Variants in TMEM164 observed in about 807,000 individuals in gnomAD.
The protein encoded by TMEM164 is transmembrane protein 164, also known as RP13-360B22.2.
A neutral mutation model predicts 18.8 loss-of-function variants in TMEM164; 4 were observed. The observed-to-expected ratio is 0.21, with a 90% confidence interval of 0.10 to 0.49. The LOEUF is 0.49. TMEM164 is among the 20% of genes least tolerant of loss of function. The pLI is 0.98. For synonymous variants in TMEM164, 86 were observed against 101.7 expected (o/e 0.85, Z 0.93); for missense variants, 108 against 239.9 (o/e 0.45, Z 3.63).
intron 5 of TMEM164, among the ~76,000 whole-genome samples, chrX:110,155,170 A>G (rs990210342): frequency 9.0e-6 from 1 of 111,165 alleles, no homozygotes; most frequent in Non-Finnish European, 1.9e-5. Context: ...CAGTGGATGT[A>G]ACATTACTGG....
intron 2 of TMEM164, among the ~76,000 whole-genome samples, chrX:110,063,753 T>A (rs772897605): frequency 4.1e-4 from 46 of 111,135 alleles, no homozygotes; most frequent in Admixed American, 2.2e-3. Context: ...GAACCTGTCT[T>A]TGGGACTCTG....
chrX:110,171,182 TA>T (rs760648501), intron 5 of TMEM164, among the ~76,000 whole-genome samples: 1 of 111,723 alleles, frequency 9.0e-6, no homozygotes, highest in Non-Finnish European at 1.9e-5. Flanking sequence ...CTTTTATGAT[TA>T]AAAAAAGAGT....
intron 2 of TMEM164, among the ~76,000 whole-genome samples, chrX:110,051,673 G>A (rs1393110405): frequency 9.0e-6 from 1 of 111,351 alleles, no homozygotes; most frequent in African/African-American, 3.3e-5. Context: ...AGTGGCTTGA[G>A]GATTAAAAGA....
In TMEM164 at chrX:110,171,578, G is replaced by C; in HGVS notation, c.687+58G>C. On this transcript the variant is annotated intron_variant, in intron 6 of 6. Transcript: ENST00000372068. ...TGTTTGCAGTTCTCCATAAATCTTG[G>C]TAATCCTGGTTGGTGCTGACGTATC... The C allele has an allele frequency of 3.1e-6, 3 of 964,398 alleles. No individual in the cohort carries two copies. The South Asian group carries it at 5.8e-5, about 19-fold the overall frequency. The allele number at this position is 964,398 out of a possible 1,213,427, so 79.5% of individuals were successfully genotyped here. A position where few individuals can be genotyped will look rare whatever the true frequency, so the allele number is the denominator to read the frequency against.
At position 110,017,448 on chromosome X, in the gene TMEM164, C is replaced by CTTTCTTTCTTTCTT. The variant is rs1569295315; in HGVS notation, c.390+13285_390+13286insTTCTTTCTTTCTTT. Among the ~76,000 whole-genome samples the CTTTCTTTCTTTCTT allele has an allele frequency of 9.0e-3, 143 of 15,955 alleles. 1 individual carries two copies. Among genetic ancestry groups the CTTTCTTTCTTTCTT allele is most frequent in the African/African-American group, 0.024 (137 of 5,643 alleles). The allele number at this position is 15,955 out of a possible 115,157, so 13.9% of individuals were successfully genotyped here. A position where few individuals can be genotyped will look rare whatever the true frequency, so the allele number is the denominator to read the frequency against. ...TTTCTTTCTTTCTTTCTTTCTTTCT[C>CTTTCTTTCTTTCTT]TCTCTCTCTCTCTCTTTCTTTCCTT... is the stretch of plus-strand genomic sequence containing the variant. On this transcript the variant is annotated intron_variant, in intron 2 of 6. Coordinates refer to ENST00000372068, the MANE Select transcript of TMEM164 (RefSeq NM_032227.4).
At chrX:110,085,500 G>A (rs757477366) in intron 3 of TMEM164, among the ~76,000 whole-genome samples, 134 of 110,555 alleles carry the variant, frequency 1.2e-3, no homozygotes, top group Non-Finnish European at 2.2e-3. Flanking sequence ...TTCAAAAAAG[G>A]ATCTGTCTTT....
At chrX:110,086,593 TA>T (rs1482683616) in intron 3 of TMEM164, among the ~76,000 whole-genome samples, 3 of 116 alleles carry the variant, frequency 0.026, no homozygotes, top group Non-Finnish European at 0.062. Context: ...TATATATATG[TA>T]TATATGTGTA....
Position 110,176,516 on chromosome X carries a change from C to A in TMEM164, c.*3065C>A. The A allele has an allele frequency of 1.2e-5, 7 of 597,451 alleles. No individual in the cohort carries two copies. Among genetic ancestry groups the A allele is most frequent in the Non-Finnish European group, 1.4e-5 (7 of 495,610 alleles). 49.2% of individuals were successfully genotyped at this position (597,451 alleles called of 1,213,427 possible). A position where few individuals can be genotyped will look rare whatever the true frequency, so the allele number is the denominator to read the frequency against. On this transcript the variant is annotated 3_prime_UTR_variant, in exon 7 of 7. Coordinates refer to ENST00000372068, the MANE Select transcript of TMEM164 (RefSeq NM_032227.4). ...GCTGCTTGCAGGGTCGCCGGGCTAA[C>A]CAGGGTGATCGGCGAACTTTACCGT...
chrX:110,122,597 A>T (rs1439246692), intron 4 of TMEM164, among the ~76,000 whole-genome samples: 2 of 111,645 alleles, frequency 1.8e-5, no homozygotes, highest in South Asian at 3.6e-4. Flanking sequence ...TAAAATAAAA[A>T]AATAAAATAT....
At chrX:110,093,623 T>G (rs2065967894) in intron 3 of TMEM164, among the ~76,000 whole-genome samples, 1 of 111,891 alleles carries the variant, frequency 8.9e-6, no homozygotes, top group Non-Finnish European at 1.9e-5. Flanking sequence ...TTTGTTGATC[T>G]TTTCAGAAAA....
chrX:110,080,230 C>T (rs2065733090), intron 3 of TMEM164, among the ~76,000 whole-genome samples: 1 of 111,539 alleles, frequency 9.0e-6, no homozygotes, highest in African/African-American at 3.3e-5. Context: ...AATAAGTTAG[C>T]ACGAGTTTAT....
intron 4 of TMEM164, among the ~76,000 whole-genome samples, chrX:110,124,172 A>AGGC (rs1556011961): frequency 2.0e-3 from 165 of 83,975 alleles, no homozygotes; most frequent in African/African-American, 8.0e-3. Context: ...GGAAGGAAGG[A>AGGC]AGGAAGGCAG....
intron 2 of TMEM164, among the ~76,000 whole-genome samples, chrX:110,014,744 C>CTTTTT (rs142705177): frequency 1.8e-5 from 1 of 54,211 alleles, no homozygotes; most frequent in Non-Finnish European, 3.2e-5. Context: ...TTGGTTGTTT[C>CTTTTT]TTTTTTTTTT....
In TMEM164 at chrX:110,003,608, G is replaced by A; in HGVS notation, c.-167G>A. Reference sequence around the variant, plus strand: ...CAAGTTAGAGCCAGCACTTTACCCCGGGCCTTGCGTGTAGCTTCCCCTCCC... The same window carrying A: ...CAAGTTAGAGCCAGCACTTTACCCCAGGCCTTGCGTGTAGCTTCCCCTCCC... On this transcript the variant is annotated 5_prime_UTR_variant, in exon 2 of 7. Coordinates refer to ENST00000372068, the MANE Select transcript of TMEM164 (RefSeq NM_032227.4). 5.4e-6 allele frequency: 3 copies of A among 550,668 alleles called. No individual in the cohort carries two copies. Among genetic ancestry groups the A allele is most frequent in the South Asian group, 3.5e-5 (1 of 28,853 alleles). The allele number at this position is 550,668 out of a possible 1,213,427, so 45.4% of individuals were successfully genotyped here. A position where few individuals can be genotyped will look rare whatever the true frequency, so the allele number is the denominator to read the frequency against.
At position 110,030,415 on chromosome X, in the gene TMEM164, C is replaced by T. The variant is rs370526481; in HGVS notation, c.390+26251C>T. On this transcript the variant is annotated intron_variant, in intron 2 of 6. Coordinates refer to ENST00000372068, the MANE Select transcript of TMEM164 (RefSeq NM_032227.4). ...GATTATGGGCATGAGCCATCGCATT[C>T]GGCCTCTTTTTTTTTTTTTTTAACA... Among the ~76,000 whole-genome samples the T allele has an allele frequency of 2.9e-3, 307 of 104,353 alleles. 1 individual carries two copies. Among genetic ancestry groups the T allele is most frequent in the South Asian group, 0.023 (55 of 2,415 alleles). 90.6% of individuals were successfully genotyped at this position (104,353 alleles called of 115,157 possible).
chrX:110,056,388 A>G (rs1419400287), intron 2 of TMEM164, among the ~76,000 whole-genome samples: 1 of 112,141 alleles, frequency 8.9e-6, no homozygotes, highest in Non-Finnish European at 1.9e-5. Context: ...TTAATATTCC[A>G]TTTTAAGGAT....
rs1234073879 is a variant in TMEM164 at position 110,013,719 on chromosome X, C to G, written c.390+9555C>G. Reference sequence around the variant, plus strand: ...GGGTTTGAGCTCCATCACCATGTAACCTTAGGCATGTTACTTAGCTGCATC... The same window carrying G: ...GGGTTTGAGCTCCATCACCATGTAAGCTTAGGCATGTTACTTAGCTGCATC... On this transcript the variant is annotated intron_variant, in intron 2 of 6. Transcript: ENST00000372068. 9.0e-5 allele frequency among the ~76,000 whole-genome samples: 10 copies of G among 111,569 alleles called. No homozygotes were observed. In the Admixed American group the frequency reaches 9.5e-4, roughly 11 times the overall value.
rs192291473 is a variant in TMEM164 at position 110,112,041 on chromosome X, C to T, written c.507+2895C>T. The stretch of plus-strand genomic sequence containing the variant: ...TGAGCAACACAGTGAGAACTCATTT[C>T]TAATAAAAAATTTAAAAATCAGCTG... On this transcript the variant is annotated intron_variant, in intron 4 of 6. Coordinates refer to ENST00000372068, the MANE Select transcript of TMEM164 (RefSeq NM_032227.4). Among the ~76,000 whole-genome samples the T allele has an allele frequency of 3.5e-3, 391 of 110,587 alleles. 1 individual carries two copies. The highest frequency in any genetic ancestry group is 0.011 in the African/African-American group (342 of 30,423).
intron 3 of TMEM164, among the ~76,000 whole-genome samples, chrX:110,081,028 G>A (rs867055248): frequency 2.8e-5 from 3 of 108,523 alleles, no homozygotes; most frequent in South Asian, 8.2e-4. Flanking sequence ...GAGCCAACAC[G>A]GTGGCTGATA....
Sources: gnomAD v4.1 joint callset for allele counts (sites outside exome capture counted in the v4.1 genomes callset) on GRCh38, gnomAD v4.1.1 for gene constraint, MANE v1.5 for transcripts, NCBI Gene and HGNC (gene_info 2026-07-23, HGNC 2026-07-21) for gene names.